The following WDFY3 variants were observed in gnomAD, a reference collection of about 807,000 sequenced individuals.
The protein encoded by WDFY3 is WD repeat and FYVE domain-containing protein 3.
A neutral mutation model predicts 409.6 loss-of-function variants in WDFY3; 66 were observed. The ratio of observed to expected loss-of-function variants is 0.16; its 90% CI spans 0.13 to 0.20. The LOEUF is 0.20. Among genes scored for constraint, WDFY3 ranks in the 10% least tolerant of loss-of-function variants. The pLI is 1.00. For synonymous variants in WDFY3, 1,521 were observed against 1,537.1 expected (o/e 0.99, Z 0.25); for missense variants, 3,031 against 4,298.1 (o/e 0.71, Z 8.24).
chr4:84,698,189 T>G (rs1730456070), intron 56 of WDFY3, among the ~76,000 whole-genome samples: 2 of 152,044 alleles, frequency 1.3e-5, no homozygotes, highest in Non-Finnish European at 2.9e-5. Flanking sequence ...TTTGATAGAA[T>G]TTTATTTTAT....
rs1758311444 is a variant in WDFY3 at position 84,847,778 on chromosome 4, AAAAAAAAAAACC to A, written c.304+2112_304+2123del. Among the ~76,000 whole-genome samples, 3 of 144,070 alleles carry A rather than the reference AAAAAAAAAAACC, an allele frequency of 2.1e-5. 1 individual carries two copies. In the East Asian group the frequency reaches 5.9e-4, roughly 28 times the overall value. 94.5% of individuals were successfully genotyped at this position (144,070 alleles called of 152,430 possible). A position where few individuals can be genotyped will look rare whatever the true frequency, so the allele number is the denominator to read the frequency against. On this transcript the variant is annotated intron_variant, in intron 5 of 67. Coordinates refer to ENST00000295888, the MANE Select transcript of WDFY3 (RefSeq NM_014991.6). ...GCCAGAGTAAGACTCCGTCCCAAAA[AAAAAAAAAAACC>A]AAAAAAAAAAACAAAAAAAAACAAA...
chr4:84,729,340 A>T (rs1228293701), intron 44 of WDFY3, among the ~76,000 whole-genome samples: 3 of 151,940 alleles, frequency 2.0e-5, no homozygotes, highest in Non-Finnish European at 2.9e-5. Context: ...CACTATCTAT[A>T]ATATTTGTTT....
At chr4:84,843,276 TAAC>T (rs1460474891) in intron 5 of WDFY3, among the ~76,000 whole-genome samples, 1 of 152,216 alleles carries the variant, frequency 6.6e-6, no homozygotes, top group Non-Finnish European at 1.5e-5. Context: ...TATCTTTACA[TAAC>T]AAATATATTT....
At chr4:84,857,158 CAT>C (rs369000504) in intron 4 of WDFY3, among the ~76,000 whole-genome samples, 78 of 152,234 alleles carry the variant, frequency 5.1e-4, no homozygotes, top group East Asian at 4.5e-3. Context: ...ATTGCATACA[CAT>C]ATGTTTCTAA....
intron 2 of WDFY3, among the ~76,000 whole-genome samples, chr4:84,928,314 G>A (rs114946232): frequency 1.3e-5 from 2 of 152,028 alleles, no homozygotes; most frequent in Non-Finnish European, 1.5e-5. Context: ...TGGCTTCCTT[G>A]GTTCTGAGGC....
intron 3 of WDFY3, 51 bp from the exon 4 acceptor site, chr4:84,860,673 A>G: frequency 7.2e-7 from 1 of 1,389,382 alleles, no homozygotes; most frequent in South Asian, 1.7e-5. Flanking sequence ...CATCTTGACT[A>G]GGTCAAGCAT....
At chr4:84,680,730 T>A (rs1175051243) in intron 64 of WDFY3, among the ~76,000 whole-genome samples, 2 of 152,212 alleles carry the variant, frequency 1.3e-5, no homozygotes, top group African/African-American at 4.8e-5. Flanking sequence ...CATTAGTCCC[T>A]AAACAATACA....
intron 32 of WDFY3, among the ~76,000 whole-genome samples, chr4:84,761,843 C>T (rs1159768423): frequency 2.0e-5 from 3 of 152,086 alleles, no homozygotes; most frequent in African/African-American, 7.2e-5. Context: ...ATTTATGCAG[C>T]CAAAAATCAC....
intron 1 of WDFY3, among the ~76,000 whole-genome samples, chr4:84,932,699 T>C (rs189063572): frequency 1.3e-5 from 2 of 152,282 alleles, no homozygotes; most frequent in Admixed American, 1.3e-4. Context: ...CCACTTCCAG[T>C]CCAGTACTCA....
chr4:84,707,897 A>G, intron 53 of WDFY3, among the ~76,000 whole-genome samples: 1 of 152,174 alleles, frequency 6.6e-6, no homozygotes, highest in East Asian at 1.9e-4. Context: ...TCATTCTTTC[A>G]TTAGACCAAA....
chr4:84,926,444 C>T (rs986501243), intron 2 of WDFY3, among the ~76,000 whole-genome samples: 5 of 151,900 alleles, frequency 3.3e-5, no homozygotes, highest in African/African-American at 1.2e-4. Flanking sequence ...TATTTTGCTA[C>T]GTATTTTTTT....
Position 84,896,977 on chromosome 4 carries a change from G to T in WDFY3, c.-98C>A, listed in dbSNP as rs1053006588. 6.6e-6 allele frequency: 1 copy of T among 152,192 alleles called. No homozygotes were observed. The highest frequency in any genetic ancestry group is 1.5e-5 in the Non-Finnish European group (1 of 68,032). 9.4% of individuals were successfully genotyped at this position (152,192 alleles called of 1,614,324 possible). A position where few individuals can be genotyped will look rare whatever the true frequency, so the allele number is the denominator to read the frequency against. ...CACAATAGGGCCCATTCGCTTGAAG[G>T]TATTTTACTCAAAACTTGAAATCTG... is the stretch of plus-strand genomic sequence containing the variant. On this transcript the variant is annotated 5_prime_UTR_variant, in exon 3 of 68. Transcript: ENST00000295888.
At position 84,852,055 on chromosome 4, in the gene WDFY3, T is replaced by C. The variant is rs140839857; in HGVS notation, c.181-2030A>G. ...TTATTAAGTCAAGAACTTTTACCTTTTCACTTAAAGGAAGGACTTCTCTCT... is the reference window on the plus strand; with the variant it reads ...TTATTAAGTCAAGAACTTTTACCTTCTCACTTAAAGGAAGGACTTCTCTCT... On this transcript the variant is annotated intron_variant, in intron 4 of 67. Coordinates refer to ENST00000295888, the MANE Select transcript of WDFY3 (RefSeq NM_014991.6). Among the ~76,000 whole-genome samples, 5 of 152,314 alleles carry C rather than the reference T, an allele frequency of 3.3e-5. No individual in the cohort carries two copies. The East Asian group carries it at 9.6e-4, about 29-fold the overall frequency.
intron 15 of WDFY3, among the ~76,000 whole-genome samples, chr4:84,807,867 G>A (rs1311876920): frequency 2.0e-5 from 3 of 151,768 alleles, no homozygotes; most frequent in Non-Finnish European, 4.4e-5. Flanking sequence ...GAATCTGATG[G>A]AGAAAATACA....
chr4:84,775,889 G>T (rs1008126357), intron 27 of WDFY3, among the ~76,000 whole-genome samples: 1 of 151,748 alleles, frequency 6.6e-6, no homozygotes, highest in Non-Finnish European at 1.5e-5. Context: ...CAAAAAGGAA[G>T]AAAGAAATGG....
At chr4:84,807,189 C>T (rs548757369) in intron 15 of WDFY3, among the ~76,000 whole-genome samples, 130 of 152,114 alleles carry the variant, frequency 8.5e-4, no homozygotes, top group Non-Finnish European at 1.3e-3. Context: ...GAAAAATACA[C>T]GATATCAACT....
chr4:84,799,864 T>A (rs1182149251), intron 17 of WDFY3, among the ~76,000 whole-genome samples: 4 of 152,212 alleles, frequency 2.6e-5, no homozygotes, highest in Non-Finnish European at 5.9e-5. Flanking sequence ...TTCTGAGAAC[T>A]CACTAATTGT....
At chr4:84,681,285 T>C (rs1179957827) in intron 64 of WDFY3, among the ~76,000 whole-genome samples, 1 of 152,186 alleles carries the variant, frequency 6.6e-6, no homozygotes, top group East Asian at 1.9e-4. Context: ...TCTTCCACTG[T>C]TATTTACTTA....
At chr4:84,876,347 C>T (rs1762782106) in intron 3 of WDFY3, among the ~76,000 whole-genome samples, 1 of 152,172 alleles carries the variant, frequency 6.6e-6, no homozygotes, top group African/African-American at 2.4e-5. Context: ...GTTACACAGG[C>T]TTTGCAATTA....
Sources: gnomAD v4.1 joint callset for allele counts (sites outside exome capture counted in the v4.1 genomes callset) on GRCh38, gnomAD v4.1.1 for gene constraint, MANE v1.5 for transcripts, NCBI Gene and HGNC (gene_info 2026-07-23, HGNC 2026-07-21) for gene names.